The following IQGAP2 variants were observed in gnomAD, a reference collection of about 807,000 sequenced individuals.
The protein encoded by IQGAP2 is ras GTPase-activating-like protein IQGAP2.
In IQGAP2, 173 loss-of-function variants were observed where a neutral mutation model predicts 201.3. That is an observed-to-expected ratio of 0.86 (90% CI 0.76 to 0.98). IQGAP2 has a LOEUF of 0.98. Ranked by LOEUF, IQGAP2 falls within the 50% of genes least tolerant of loss-of-function variation. The probability of loss-of-function intolerance (pLI) is 0.00; values close to 1 mark genes in which losing one functional copy is unlikely to be tolerated. For missense variants in IQGAP2, 1,687 were observed against 1,864.8 expected (o/e 0.90, Z 1.76); for synonymous variants, 675 against 673.9 (o/e 1.00, Z -0.03).
At position 76,403,921 on chromosome 5, in the gene IQGAP2, T is replaced by C. The variant is rs1345362839; in HGVS notation, c.46+330T>C. ...GTATCAGGTGAGGAGTCCGCGGAGC[T>C]CCGGGTCGCCGCCGGCTTGGGCCAG... On this transcript the variant is annotated intron_variant, in intron 1 of 35. Transcript: ENST00000274364. The surrounding 1 kb of genome is among the most constrained non-coding windows in gnomAD (Gnocchi z 4.8). Among the ~76,000 whole-genome samples, 1 of 151,982 alleles carries C rather than the reference T, an allele frequency of 6.6e-6. No homozygotes were observed. Among genetic ancestry groups the C allele is most frequent in the Admixed American group, 6.6e-5 (1 of 15,264 alleles).
rs575707799 is a variant in IQGAP2 at position 76,471,239 on chromosome 5, A to C, written c.146+9570A>C. Among the ~76,000 whole-genome samples the C allele has an allele frequency of 1.3e-3, 204 of 152,140 alleles. 1 individual carries two copies. The highest frequency in any genetic ancestry group is 4.7e-3 in the African/African-American group (196 of 41,520). On this transcript the variant is annotated intron_variant, in intron 2 of 35. Transcript: ENST00000274364. ...GCTTGAGTAAATAGTTATGAATGGG[A>C]CTGCTATTGTGTCTCCCAAGGAAAG...
At position 76,658,450 on chromosome 5, in the gene IQGAP2, T is replaced by C. The variant is rs1213039621; in HGVS notation, c.2321-9T>C. On this transcript the variant is annotated splice_polypyrimidine_tract_variant and intron_variant, in intron 20 of 35. Coordinates refer to ENST00000274364, the MANE Select transcript of IQGAP2 (RefSeq NM_006633.5). ...CCTAATTAAAGTATACCTGTTCCTG[T>C]CACTGCAGTTGGCTCTGAAAACCCA... The C allele has an allele frequency of 6.2e-7, 1 of 1,606,048 alleles. No homozygotes were observed. Among genetic ancestry groups the C allele is most frequent in the Admixed American group, 1.7e-5 (1 of 59,984 alleles).
intron 24 of IQGAP2, among the ~76,000 whole-genome samples, chr5:76,672,487 A>G (rs1744423775): frequency 6.6e-6 from 1 of 152,232 alleles, no homozygotes; most frequent in South Asian, 2.1e-4. Flanking sequence ...ACTGTTTGTA[A>G]TAATAAAAAG....
At chr5:76,634,685 G>A (rs1750982364) in intron 15 of IQGAP2, among the ~76,000 whole-genome samples, 1 of 152,146 alleles carries the variant, frequency 6.6e-6, no homozygotes, top group Non-Finnish European at 1.5e-5. Context: ...GGCACGCACA[G>A]GATGATTTAT....
chr5:76,658,456 C>G lies in IQGAP2; in HGVS notation c.2321-3C>G. 1 of 1,609,450 alleles carries G rather than the reference C, an allele frequency of 6.2e-7. No homozygotes were observed. Among genetic ancestry groups the G allele is most frequent in the Non-Finnish European group, 8.5e-7 (1 of 1,175,874 alleles). On this transcript the variant is annotated splice_polypyrimidine_tract_variant and splice_region_variant and intron_variant, in intron 20 of 35. Coordinates refer to ENST00000274364, the MANE Select transcript of IQGAP2 (RefSeq NM_006633.5). ...TAAAGTATACCTGTTCCTGTCACTG[C>G]AGTTGGCTCTGAAAACCCACCATTA...
chr5:76,693,440 C>T lies in IQGAP2; in HGVS notation c.3991C>T (p.Gln1331Ter). 6.3e-7 allele frequency: 1 copy of T among 1,599,826 alleles called. No homozygotes were observed. The highest frequency in any genetic ancestry group is 8.6e-7 in the Non-Finnish European group (1 of 1,167,488). The change falls in exon 31 of 36, where the codon CAG (glutamine) becomes TAG (stop). Residue 1331 changes from glutamine to a stop codon, truncating the protein, a stop_gained and splice_region_variant. Coordinates refer to ENST00000274364, the MANE Select transcript of IQGAP2 (RefSeq NM_006633.5). LOFTEE classifies it high-confidence loss of function. ...CTTAGAGACACCAGCAACTGCGCAA[C>T]AGGTAATTTGACTTTAAGTGTAAAA... Reference protein sequence around the residue: ...EILETPATAQQEVDHATDMVS... With the variant: ...EILETPATAQ
chr5:76,413,953 G>T (rs991494561), intron 1 of IQGAP2, among the ~76,000 whole-genome samples: 3 of 152,160 alleles, frequency 2.0e-5, no homozygotes, highest in Non-Finnish European at 4.4e-5. Flanking sequence ...GGTACACTGG[G>T]TTCACCTAAC....
At chr5:76,578,196 C>G (rs1197382276) in intron 5 of IQGAP2, among the ~76,000 whole-genome samples, 1 of 152,178 alleles carries the variant, frequency 6.6e-6, no homozygotes, top group Non-Finnish European at 1.5e-5. Context: ...ACTCACCAAT[C>G]CCTGTGTCAG....
At chr5:76,661,259 CA>C (rs1743225170) in intron 21 of IQGAP2, among the ~76,000 whole-genome samples, 1 of 152,068 alleles carries the variant, frequency 6.6e-6, no homozygotes, top group African/African-American at 2.4e-5. Flanking sequence ...CTAAAATCCT[CA>C]AAATCTGTAG....
At position 76,702,101 on chromosome 5, in the gene IQGAP2, G is replaced by A. The variant is rs575660686; in HGVS notation, c.4506-381G>A. On this transcript the variant is annotated intron_variant, in intron 34 of 35. Transcript: ENST00000274364. ...TGGGATTACAGGCGTGAGCGACTGC[G>A]CCTGGCCTGAAGTTTCTATAAAAGT... Among the ~76,000 whole-genome samples the A allele has an allele frequency of 3.9e-5, 6 of 152,318 alleles. No homozygotes were observed. The South Asian group carries it at 6.2e-4, about 16-fold the overall frequency.
At chr5:76,468,402 G>A (rs915442741) in intron 2 of IQGAP2, among the ~76,000 whole-genome samples, 3 of 152,150 alleles carry the variant, frequency 2.0e-5, no homozygotes, top group African/African-American at 7.2e-5. Context: ...TTACTCAAGA[G>A]TTTAAAGTTA....
At chr5:76,671,403 G>T (rs1018065932) in intron 23 of IQGAP2, among the ~76,000 whole-genome samples, 2 of 151,892 alleles carry the variant, frequency 1.3e-5, no homozygotes, top group African/African-American at 4.8e-5. Context: ...CTGTATCCAG[G>T]CCCAGAACCA....
intron 8 of IQGAP2, 145 bp downstream of exon 8, chr5:76,590,731 C>A: frequency 1.5e-6 from 1 of 661,632 alleles, no homozygotes. Flanking sequence ...TGAAATGTAG[C>A]ATACAAGAGG....
intron 1 of IQGAP2, among the ~76,000 whole-genome samples, chr5:76,433,973 A>G (rs1313085395): frequency 6.6e-6 from 1 of 152,240 alleles, no homozygotes; most frequent in Non-Finnish European, 1.5e-5. Flanking sequence ...TCAATAAATA[A>G]CATCCTTCCA....
At chr5:76,674,340 G>T in intron 26 of IQGAP2, 137 bp from the exon 27 acceptor site, 2 of 609,120 alleles carry the variant, frequency 3.3e-6, no homozygotes, top group Middle Eastern at 8.0e-4. Context: ...TAAACTCCTT[G>T]TTAGGATTTA....
At chr5:76,509,245 C>G (rs1221883731) in intron 2 of IQGAP2, among the ~76,000 whole-genome samples, 1 of 152,100 alleles carries the variant, frequency 6.6e-6, no homozygotes, top group Non-Finnish European at 1.5e-5. Context: ...GAGTGTTAGG[C>G]AGACTTCACA....
At chr5:76,516,046 T>G (rs183051646) in intron 2 of IQGAP2, among the ~76,000 whole-genome samples, 282 of 152,008 alleles carry the variant, frequency 1.9e-3, no homozygotes, top group African/African-American at 6.5e-3. Context: ...TGGATAATGT[T>G]TGTGTTTTTT....
intron 16 of IQGAP2, among the ~76,000 whole-genome samples, chr5:76,639,347 C>T (rs188948199): frequency 1.2e-4 from 19 of 152,198 alleles, no homozygotes; most frequent in African/African-American, 3.6e-4. Flanking sequence ...ACACAGTCAC[C>T]GGTATCTCTG....
intron 5 of IQGAP2, among the ~76,000 whole-genome samples, chr5:76,585,469 A>G (rs1249455205): frequency 6.6e-6 from 1 of 151,934 alleles, no homozygotes; most frequent in African/African-American, 2.4e-5. Flanking sequence ...ATACAATTAT[A>G]CATTTTTGAT....
Sources: gnomAD v4.1 joint callset for allele counts (sites outside exome capture counted in the v4.1 genomes callset) on GRCh38, gnomAD v4.1.1 for gene constraint, Gnocchi (gnomAD v3.1) non-coding constraint, MANE v1.5 for transcripts, NCBI Gene and HGNC (gene_info 2026-07-23, HGNC 2026-07-21) for gene names.